CTNND2: variants seen among roughly 807,000 people sequenced by gnomAD.
CTNND2 encodes the protein catenin delta 2.
CTNND2 carries 22 observed loss-of-function variants against 144.4 expected under a neutral mutation model. That is an observed-to-expected ratio of 0.15 (90% CI 0.11 to 0.22). The LOEUF (loss-of-function observed/expected upper bound fraction) is 0.22, where lower values mean the gene tolerates loss of function less well. Ranked by LOEUF, CTNND2 falls within the 10% of genes least tolerant of loss-of-function variation. The pLI is 1.00. For missense variants in CTNND2, 1,353 were observed against 1,618.8 expected, an observed-to-expected ratio of 0.84 and a Z score of 2.82; for synonymous variants, 751 against 695.6, an observed-to-expected ratio of 1.08 and a Z score of -1.25.
intron 1 of CTNND2, among the ~76,000 whole-genome samples, chr5:11,739,626 A>C (rs1014085367): frequency 4.6e-5 from 7 of 152,202 alleles, no homozygotes; most frequent in South Asian, 2.1e-4. Flanking sequence ...ATTCCCTTTG[A>C]AAACCAGTAC....
chr5:11,378,363 G>A (rs149006485), intron 7 of CTNND2, among the ~76,000 whole-genome samples: 105 of 152,336 alleles, frequency 6.9e-4, no homozygotes, highest in Middle Eastern at 3.4e-3. Flanking sequence ...AGTCGCTGTC[G>A]TTGGGAGAGT....
At chr5:11,672,898 A>AC (rs1426291892) in intron 2 of CTNND2, among the ~76,000 whole-genome samples, 7 of 151,916 alleles carry the variant, frequency 4.6e-5, no homozygotes, top group Admixed American at 3.3e-4. Context: ...GTGAAGCAAC[A>AC]CCCCACCCTG....
At position 11,903,377 on chromosome 5, in the gene CTNND2, C is replaced by T; in HGVS notation, c.37+440G>A. 1.0e-6 allele frequency: 1 copy of T among 1,000,258 alleles called. No individual in the cohort carries two copies. The highest frequency in any genetic ancestry group is 1.7e-5 in the African/African-American group (1 of 57,824). 62.0% of individuals were successfully genotyped at this position (1,000,258 alleles called of 1,614,324 possible). On this transcript the variant is annotated intron_variant, in intron 1 of 21. Transcript: ENST00000304623. The surrounding 1 kb of genome is among the most constrained non-coding windows in gnomAD (Gnocchi z 5.4). Reference sequence around the variant, plus strand: ...GTCTTTCCATTTTGTTCTAGCCAAACATCGTAATGACATTGAACATAAGGG... The same window carrying T: ...GTCTTTCCATTTTGTTCTAGCCAAATATCGTAATGACATTGAACATAAGGG...
intron 5 of CTNND2, 152 bp from the exon 6 acceptor site, chr5:11,397,355 T>C: frequency 1.6e-6 from 1 of 611,860 alleles, no homozygotes; most frequent in Non-Finnish European, 2.6e-6. Flanking sequence ...ACCATATAAT[T>C]TGACTCCAGC....
At chr5:11,591,232 G>C (rs1296920657) in intron 2 of CTNND2, among the ~76,000 whole-genome samples, 2 of 152,138 alleles carry the variant, frequency 1.3e-5, no homozygotes, top group Non-Finnish European at 2.9e-5. Flanking sequence ...GCCCTACTTA[G>C]AAGGTTATAC....
At position 11,178,125 on chromosome 5, in the gene CTNND2, A is replaced by T. The variant is rs369112328; in HGVS notation, c.1976-18366T>A. Among the ~76,000 whole-genome samples, 278 of 152,302 alleles carry T rather than the reference A, an allele frequency of 1.8e-3. 2 individuals carry two copies. The highest frequency in any genetic ancestry group is 6.0e-3 in the African/African-American group (248 of 41,578). On this transcript the variant is annotated intron_variant, in intron 11 of 21. Transcript: ENST00000304623. ...ATGGGATCTCTCAATGCCCATTTCT[A>T]TTCCTGCAATAGTGTTCAAGTATTC... is the stretch of plus-strand genomic sequence containing the variant.
chr5:11,043,160 A>G (rs1744862959), intron 16 of CTNND2, among the ~76,000 whole-genome samples: 1 of 152,008 alleles, frequency 6.6e-6, no homozygotes, highest in South Asian at 2.1e-4. Flanking sequence ...CTATTTCAAG[A>G]GAAATAACAT....
At chr5:11,735,694 T>G (rs1452304182) in intron 1 of CTNND2, among the ~76,000 whole-genome samples, 4 of 152,178 alleles carry the variant, frequency 2.6e-5, no homozygotes, top group Non-Finnish European at 5.9e-5. Context: ...CTGATGGTTT[T>G]AGGAAGGGCA....
rs60937559 is a variant in CTNND2 at position 11,376,322 on chromosome 5, G to GTGCGTGTGTATGTGTTCATGTATC, written c.1177+8342_1177+8343insGATACATGAACACATACACACGCA. ...GAGTGATGAATGCCTTTGTGTGTGTGTGTGTGTGTGTGTGTGTGTGTGTGT... is the reference window on the plus strand; with the variant it reads ...GAGTGATGAATGCCTTTGTGTGTGTGTGCGTGTGTATGTGTTCATGTATCTGTGTGTGTGTGTGTGTGTGTGTGT... On this transcript the variant is annotated intron_variant, in intron 7 of 21. Transcript: ENST00000304623. 8.2e-5 allele frequency among the ~76,000 whole-genome samples: 12 copies of GTGCGTGTGTATGTGTTCATGTATC among 146,176 alleles called. 1 individual carries two copies. The highest frequency in any genetic ancestry group is 7.4e-4 in the Admixed American group (11 of 14,880).
At chr5:11,543,634 G>GT (rs10556638) in intron 3 of CTNND2, among the ~76,000 whole-genome samples, 25 of 149,032 alleles carry the variant, frequency 1.7e-4, no homozygotes, top group Non-Finnish European at 2.2e-4. Context: ...CAGTAACGCT[G>GT]TTTTTTTTTT....
At chr5:11,397,257 G>A (rs1280209138) in intron 5 of CTNND2, 54 bp from the exon 6 acceptor site, 8 of 1,497,170 alleles carry the variant, frequency 5.3e-6, no homozygotes, top group Non-Finnish European at 7.4e-6. Flanking sequence ...AAGCAGAAAT[G>A]ACATGTATTA....
intron 2 of CTNND2, among the ~76,000 whole-genome samples, chr5:11,639,407 C>T (rs1176263281): frequency 6.6e-6 from 1 of 152,190 alleles, no homozygotes; most frequent in Non-Finnish European, 1.5e-5. Context: ...CCAGGTGACT[C>T]ATATGGATAG....
chr5:11,883,847 T>G (rs1484995077), intron 1 of CTNND2, among the ~76,000 whole-genome samples: 1 of 152,168 alleles, frequency 6.6e-6, no homozygotes, highest in Non-Finnish European at 1.5e-5. Flanking sequence ...CATCTGTTGT[T>G]TCCTGACTTT....
At chr5:11,561,751 G>A (rs1179638221) in intron 3 of CTNND2, among the ~76,000 whole-genome samples, 1 of 152,126 alleles carries the variant, frequency 6.6e-6, no homozygotes, top group Non-Finnish European at 1.5e-5. Context: ...TACCTGAAAA[G>A]AGATCTTTGG....
At chr5:11,603,665 T>A (rs1386680873) in intron 2 of CTNND2, among the ~76,000 whole-genome samples, 1 of 152,240 alleles carries the variant, frequency 6.6e-6, no homozygotes, top group Non-Finnish European at 1.5e-5. Flanking sequence ...CAAGGCTATA[T>A]GACAGAGCTT....
chr5:11,030,259 T>C (rs181196684), intron 16 of CTNND2, among the ~76,000 whole-genome samples: 1 of 152,300 alleles, frequency 6.6e-6, no homozygotes, highest in Admixed American at 6.5e-5. Context: ...TCATTGAGTC[T>C]TGAATGTTTA....
chr5:11,694,303 T>C (rs1232813811), intron 2 of CTNND2, among the ~76,000 whole-genome samples: 3 of 151,430 alleles, frequency 2.0e-5, no homozygotes, highest in Non-Finnish European at 4.4e-5. Flanking sequence ...GGTGTGGTGG[T>C]GGGCGCCTGT....
intron 3 of CTNND2, among the ~76,000 whole-genome samples, chr5:11,510,419 C>T (rs1215751575): frequency 6.6e-6 from 1 of 152,200 alleles, no homozygotes; most frequent in Non-Finnish European, 1.5e-5. Context: ...TATTTCTACA[C>T]TCATTAAATT....
chr5:11,675,470 G>C (rs1307790548), intron 2 of CTNND2, among the ~76,000 whole-genome samples: 2 of 152,098 alleles, frequency 1.3e-5, no homozygotes, highest in African/African-American at 2.4e-5. Context: ...AGAAACCAGA[G>C]TGGGGCAGTT....
Sources: gnomAD v4.1 joint callset for allele counts (sites outside exome capture counted in the v4.1 genomes callset) on GRCh38, gnomAD v4.1.1 for gene constraint, Gnocchi (gnomAD v3.1) non-coding constraint, MANE v1.5 for transcripts, NCBI Gene and HGNC (gene_info 2026-07-23, HGNC 2026-07-21) for gene names.